EPB41: variants seen among roughly 807,000 people sequenced by gnomAD.
EPB41 encodes protein 4.1.
In EPB41, 65 loss-of-function variants were observed where a neutral mutation model predicts 108.0. That is an observed-to-expected ratio of 0.60 (90% confidence interval 0.49 to 0.74). The LOEUF is 0.74. Ranked by LOEUF, EPB41 falls within the 30% of genes least tolerant of loss-of-function variation. The pLI, the probability that EPB41 is intolerant of heterozygous loss-of-function variation, is 0.00. For synonymous variants in EPB41, 336 were observed against 358.9 expected (o/e 0.94, Z 0.72); for missense variants, 875 against 1,037.0 (o/e 0.84, Z 2.15).
chr1:29,058,841 A>G lies in EPB41; in HGVS notation c.1933A>G (p.Arg645Gly), dbSNP rs1031646566. ...TGCAGAAAAAACTGAAGATCTGATA[A>G]GAATGAGGAAGGTTAGCCATTTTTC... The part of the protein sequence containing the change: ...KLAEKTEDLI[R>G]MRKKKRERLD... Residue 645 changes from arginine (R) to glycine (G), a missense_variant, in exon 14 of 21, where the codon AGA becomes GGA. Physicochemically the swap from Arg to Gly is moderately radical, Grantham distance 125. Coordinates refer to ENST00000343067, the MANE Select transcript of EPB41 (RefSeq NM_001376013.1). The G allele has an allele frequency of 2.6e-6, 4 of 1,550,878 alleles. No individual in the cohort carries two copies. The highest frequency in any genetic ancestry group is 1.7e-4 in the Middle Eastern group (1 of 6,012).
chr1:29,108,562 A>G (rs1668033554), intron 17 of EPB41, among the ~76,000 whole-genome samples: 1 of 149,566 alleles, frequency 6.7e-6, no homozygotes, highest in Non-Finnish European at 1.5e-5. Flanking sequence ...ATTTTATTTT[A>G]TTTATTTATT....
chr1:28,970,200 C>A (rs2095462651), intron 1 of EPB41, among the ~76,000 whole-genome samples: 2 of 152,142 alleles, frequency 1.3e-5, no homozygotes, highest in Non-Finnish European at 2.9e-5. Context: ...TGGTAAGAGA[C>A]AACTGCTGCA....
chr1:29,110,083 T>C (rs2503022), intron 18 of EPB41, among the ~76,000 whole-genome samples: 125,060 of 151,562 alleles, frequency 0.83, 52,023 homozygotes, highest in Middle Eastern at 0.89. Context: ...CACCTGTAAT[T>C]CCAGTACTTT....
At chr1:28,931,290 C>G (rs540188490) in intron 1 of EPB41, among the ~76,000 whole-genome samples, 2 of 146,848 alleles carry the variant, frequency 1.4e-5, no homozygotes, top group African/African-American at 5.0e-5. Context: ...CCCAGCTACT[C>G]GGGAGGCTGA....
intron 1 of EPB41, among the ~76,000 whole-genome samples, chr1:28,916,332 TG>T (rs1435879747): frequency 2.0e-5 from 3 of 152,190 alleles, no homozygotes; most frequent in Admixed American, 6.5e-5. Context: ...AGTATATCTT[TG>T]GCACTATTAA....
At chr1:29,096,941 C>A (rs1663407556) in intron 16 of EPB41, 1 of 152,114 alleles carries the variant, frequency 6.6e-6, no homozygotes, top group Non-Finnish European at 1.5e-5. Flanking sequence ...GTTCTGAGAC[C>A]ATGCTTAAAA....
intron 7 of EPB41, among the ~76,000 whole-genome samples, chr1:29,024,697 A>G (rs1274597546): frequency 1.3e-5 from 2 of 151,978 alleles, no homozygotes; most frequent in African/African-American, 2.4e-5. Context: ...CTCACTTCAC[A>G]AGTGATGAAT....
At chr1:28,932,505 TAA>T (rs983736446) in intron 1 of EPB41, among the ~76,000 whole-genome samples, 1 of 143,814 alleles carries the variant, frequency 7.0e-6, no homozygotes. Flanking sequence ...CTACCTCCTT[TAA>T]AAAAAAAAAG....
At chr1:28,916,094 C>T (rs547740556) in intron 1 of EPB41, among the ~76,000 whole-genome samples, 2 of 152,176 alleles carry the variant, frequency 1.3e-5, no homozygotes, top group East Asian at 3.9e-4. Context: ...ATCAGTTCTT[C>T]GCCAGTTGTA....
At chr1:29,000,861 A>C (rs2096281187) in intron 4 of EPB41, among the ~76,000 whole-genome samples, 1 of 152,168 alleles carries the variant, frequency 6.6e-6, no homozygotes, top group African/African-American at 2.4e-5. Flanking sequence ...TTTTTAATTA[A>C]AACGAGAGTC....
At chr1:29,025,903 T>C (rs919540081) in intron 7 of EPB41, among the ~76,000 whole-genome samples, 5 of 150,336 alleles carry the variant, frequency 3.3e-5, no homozygotes, top group Non-Finnish European at 7.4e-5. Context: ...ATGGTAGTCA[T>C]GTGTGGGCAC....
At chr1:28,899,981 C>T (rs1403788040) in intron 1 of EPB41, among the ~76,000 whole-genome samples, 1 of 152,168 alleles carries the variant, frequency 6.6e-6, no homozygotes, top group African/African-American at 2.4e-5. Flanking sequence ...AGCATCTTCT[C>T]ATAGGATTAT....
Position 28,987,366 on chromosome 1 carries a change from G to A in EPB41, c.-7-65G>A. 7.2e-6 allele frequency: 10 copies of A among 1,396,850 alleles called. No individual in the cohort carries two copies. In the Admixed American group the frequency reaches 1.5e-4, roughly 21 times the overall value. 86.5% of individuals were successfully genotyped at this position (1,396,850 alleles called of 1,614,324 possible). On this transcript the variant is annotated intron_variant, in intron 1 of 20. Transcript: ENST00000343067. Reference sequence around the variant, plus strand: ...AAGTATATTAATTTTTTAGGGTTTAGGGTTTTGCCAACAGTAATGTGTTTT... The same window carrying A: ...AAGTATATTAATTTTTTAGGGTTTAAGGTTTTGCCAACAGTAATGTGTTTT...
At chr1:29,104,202 C>T (rs1037867567) in intron 17 of EPB41, among the ~76,000 whole-genome samples, 3 of 152,130 alleles carry the variant, frequency 2.0e-5, no homozygotes, top group Admixed American at 6.5e-5. Flanking sequence ...TTCCAAAGTG[C>T]CTGGCAGATA....
rs536386801 is a variant in EPB41 at position 28,993,202 on chromosome 1, A to C, written c.469-128A>C. ...TACTATTTTTTATAGAAAAATATTT[A>C]ATATTAATGTCACCTATATTTGTTT... On this transcript the variant is annotated intron_variant, in intron 2 of 20. Transcript: ENST00000343067. 134 of 748,840 alleles carry C rather than the reference A, an allele frequency of 1.8e-4. 1 individual carries two copies. The highest frequency in any genetic ancestry group is 3.0e-4 in the Non-Finnish European group (131 of 439,784). 46.4% of individuals were successfully genotyped at this position (748,840 alleles called of 1,614,324 possible). A position where few individuals can be genotyped will look rare whatever the true frequency, so the allele number is the denominator to read the frequency against.
At chr1:29,089,496 G>A (rs1209914720) in intron 16 of EPB41, among the ~76,000 whole-genome samples, 2 of 152,198 alleles carry the variant, frequency 1.3e-5, no homozygotes, top group African/African-American at 4.8e-5. Context: ...GGAAAAGACA[G>A]ATGAATATGC....
At chr1:28,942,819 C>G (rs1337139470) in intron 1 of EPB41, among the ~76,000 whole-genome samples, 1 of 152,176 alleles carries the variant, frequency 6.6e-6, no homozygotes, top group Non-Finnish European at 1.5e-5. Context: ...CTAAGGCTAT[C>G]CTGGAACCCC....
chr1:28,949,356 T>C (rs1002393495), intron 1 of EPB41, among the ~76,000 whole-genome samples: 2 of 151,972 alleles, frequency 1.3e-5, no homozygotes, highest in African/African-American at 4.8e-5. Flanking sequence ...AGGTGGGAGA[T>C]TGTTGGAGCC....
chr1:29,064,116 T>G (rs547146541), intron 15 of EPB41, among the ~76,000 whole-genome samples: 2 of 152,268 alleles, frequency 1.3e-5, no homozygotes, highest in Non-Finnish European at 2.9e-5. Context: ...AACAGTTGAA[T>G]TATTTTAAAT....
Sources: gnomAD v4.1 joint callset for allele counts (sites outside exome capture counted in the v4.1 genomes callset) on GRCh38, gnomAD v4.1.1 for gene constraint, MANE v1.5 for transcripts, NCBI Gene and HGNC (gene_info 2026-07-23, HGNC 2026-07-21) for gene names.